Variants in DOCK4 observed in about 807,000 individuals in gnomAD.
DOCK4 encodes dedicator of cytokinesis protein 4.
Under a neutral mutation model 268.1 loss-of-function variants are expected in DOCK4, and 97 were observed. The observed-to-expected ratio is 0.36, with a 90% CI of 0.31 to 0.43. The LOEUF (loss-of-function observed/expected upper bound fraction) is 0.43, where lower values mean the gene tolerates loss of function less well. Ranked by LOEUF, DOCK4 falls within the 20% of genes least tolerant of loss-of-function variation. The probability of loss-of-function intolerance (pLI) is 1.00; values close to 1 mark genes in which losing one functional copy is unlikely to be tolerated. For missense variants in DOCK4, 2,145 were observed against 2,455.7 expected, an observed-to-expected ratio of 0.87 and a Z score of 2.67; for synonymous variants, 954 against 887.2, an observed-to-expected ratio of 1.08 and a Z score of -1.34.
intron 36 of DOCK4, among the ~76,000 whole-genome samples, chr7:111,771,763 C>T (rs1332484188): frequency 6.6e-6 from 1 of 152,220 alleles, no homozygotes; most frequent in Non-Finnish European, 1.5e-5. Context: ...GTCATCCGAA[C>T]AAGCTGTGCT....
intron 12 of DOCK4, among the ~76,000 whole-genome samples, chr7:111,921,412 T>G (rs912953933): frequency 2.0e-5 from 3 of 152,222 alleles, no homozygotes; most frequent in Admixed American, 1.3e-4. Context: ...TTTAAATTCA[T>G]GAAATTCTGC....
intron 32 of DOCK4, among the ~76,000 whole-genome samples, chr7:111,786,553 T>G (rs1799181479): frequency 6.6e-6 from 1 of 152,196 alleles, no homozygotes; most frequent in Non-Finnish European, 1.5e-5. Context: ...AGTTGAGTTC[T>G]TAGCAAGGAA....
At chr7:112,099,345 A>T (rs527839489) in intron 1 of DOCK4, among the ~76,000 whole-genome samples, 8 of 151,704 alleles carry the variant, frequency 5.3e-5, no homozygotes, top group African/African-American at 1.7e-4. Context: ...CTGTATTGGC[A>T]ATGGCCAAAC....
chr7:111,811,345 C>T (rs1801117599), intron 28 of DOCK4, among the ~76,000 whole-genome samples: 1 of 151,746 alleles, frequency 6.6e-6, no homozygotes, highest in Admixed American at 6.6e-5. Context: ...ATAGGCACTG[C>T]TCATCTTTGT....
chr7:112,192,634 A>C lies in DOCK4; in HGVS notation c.37+13468T>G, dbSNP rs150388871. 1.3e-3 allele frequency among the ~76,000 whole-genome samples: 191 copies of C among 152,322 alleles called. 1 individual carries two copies. Among genetic ancestry groups the C allele is most frequent in the African/African-American group, 4.2e-3 (174 of 41,568 alleles). ...ATGTACTCCCTTACTGTGTATTTAA[A>C]AACAAAATCAGGGTAACATCTATCT... On this transcript the variant is annotated intron_variant, in intron 1 of 52. Transcript: ENST00000428084.
intron 24 of DOCK4, 66 bp downstream of exon 24, chr7:111,846,933 C>A (rs1011907911): frequency 2.0e-6 from 3 of 1,532,364 alleles, no homozygotes; most frequent in Non-Finnish European, 2.7e-6. Context: ...TCTTTGTAGA[C>A]TATTACAAGT....
At chr7:112,177,025 T>C (rs1328410398) in intron 1 of DOCK4, among the ~76,000 whole-genome samples, 1 of 152,172 alleles carries the variant, frequency 6.6e-6, no homozygotes, top group Non-Finnish European at 1.5e-5. Flanking sequence ...ATAATTCTCC[T>C]GCCAACCAAC....
At chr7:112,049,899 T>C (rs73434621) in intron 1 of DOCK4, among the ~76,000 whole-genome samples, 13,428 of 152,240 alleles carry the variant, frequency 0.088, 1,808 homozygotes, top group African/African-American at 0.29. Context: ...ATTTGGAGAC[T>C]TGGTGACTTA....
intron 1 of DOCK4, among the ~76,000 whole-genome samples, chr7:112,139,448 T>C (rs186171734): frequency 6.8e-4 from 104 of 152,302 alleles, no homozygotes; most frequent in African/African-American, 2.2e-3. Flanking sequence ...ATTTCATAAA[T>C]AGTTATTTTT....
intron 24 of DOCK4, 108 bp downstream of exon 24, chr7:111,846,891 T>C (rs1804151009): frequency 8.0e-7 from 1 of 1,256,722 alleles, no homozygotes; most frequent in Non-Finnish European, 1.1e-6. Flanking sequence ...GAAATAAAAG[T>C]GGGTCTCAGA....
intron 1 of DOCK4, among the ~76,000 whole-genome samples, chr7:112,069,944 C>T (rs965269008): frequency 6.6e-6 from 1 of 152,108 alleles, no homozygotes. Flanking sequence ...AGTACACAAA[C>T]TGAGTCATAG....
chr7:111,879,792 G>C (rs1807225940), intron 16 of DOCK4, among the ~76,000 whole-genome samples: 1 of 152,152 alleles, frequency 6.6e-6, no homozygotes, highest in Non-Finnish European at 1.5e-5. Context: ...GCTGACGAAT[G>C]CATCAGAGTC....
At chr7:111,831,853 C>T (rs1024535393) in intron 26 of DOCK4, among the ~76,000 whole-genome samples, 1 of 152,148 alleles carries the variant, frequency 6.6e-6, no homozygotes, top group Non-Finnish European at 1.5e-5. Context: ...TTATCTCTCC[C>T]TTCTTAAAAC....
At chr7:112,058,794 G>A (rs563310790) in intron 1 of DOCK4, among the ~76,000 whole-genome samples, 32 of 152,158 alleles carry the variant, frequency 2.1e-4, no homozygotes, top group Non-Finnish European at 3.7e-4. Context: ...CAATGGCAAA[G>A]ATCAAAGCCT....
chr7:111,781,593 A>C (rs1180615938), intron 35 of DOCK4, among the ~76,000 whole-genome samples: 1 of 152,170 alleles, frequency 6.6e-6, no homozygotes, highest in Non-Finnish European at 1.5e-5. Context: ...AGGTCTCACT[A>C]TTTTTAGGGA....
intron 1 of DOCK4, among the ~76,000 whole-genome samples, chr7:112,015,566 C>T (rs183796719): frequency 1.3e-5 from 2 of 152,020 alleles, no homozygotes; most frequent in African/African-American, 4.8e-5. Flanking sequence ...GATCAGGACC[C>T]CTTTCTGGTA....
chr7:111,945,672 A>T, intron 9 of DOCK4, 45 bp downstream of exon 9: 1 of 1,478,286 alleles, frequency 6.8e-7, no homozygotes, highest in Non-Finnish European at 9.3e-7. Flanking sequence ...AGTATGAATC[A>T]TAACTGGATG....
intron 13 of DOCK4, among the ~76,000 whole-genome samples, chr7:111,905,170 A>C: frequency 6.6e-6 from 1 of 152,206 alleles, no homozygotes; most frequent in East Asian, 1.9e-4. Flanking sequence ...AAATCAATAC[A>C]CTTGAGGTTG....
intron 1 of DOCK4, among the ~76,000 whole-genome samples, chr7:112,189,360 C>T (rs868477450): frequency 6.6e-6 from 1 of 151,890 alleles, no homozygotes; most frequent in Non-Finnish European, 1.5e-5. Context: ...GCACCCCAAA[C>T]TTGCAGGAAG....
Sources: allele counts gnomAD v4.1 joint callset (sites outside exome capture counted in the v4.1 genomes callset), GRCh38; gene constraint gnomAD v4.1.1; transcripts MANE v1.5; gene names NCBI Gene and HGNC (gene_info 2026-07-23, HGNC 2026-07-21).